Variants in TBL1XR1 observed in about 807,000 individuals in gnomAD.
The protein encoded by TBL1XR1 is F-box-like/WD repeat-containing protein TBL1XR1.
Under a neutral mutation model 66.9 loss-of-function variants are expected in TBL1XR1, and 5 were observed. The observed-to-expected ratio is 0.07, with a 90% CI of 0.04 to 0.16. TBL1XR1 has a LOEUF of 0.16. Among genes scored for constraint, TBL1XR1 ranks in the 10% least tolerant of loss-of-function variants. The pLI, the probability that TBL1XR1 is intolerant of heterozygous loss-of-function variation, is 1.00. For synonymous variants in TBL1XR1, 210 were observed against 206.0 expected (o/e 1.02, Z -0.17); for missense variants, 238 against 623.2 (o/e 0.38, Z 6.58).
At chr3:177,074,096 G>A (rs1452341454) in intron 2 of TBL1XR1, among the ~76,000 whole-genome samples, 1 of 152,182 alleles carries the variant, frequency 6.6e-6, no homozygotes, top group South Asian at 2.1e-4. Flanking sequence ...GGAATAAAGG[G>A]AGCAGGGCTA....
chr3:177,043,625 G>C (rs1457067850), intron 10 of TBL1XR1, among the ~76,000 whole-genome samples: 1 of 152,044 alleles, frequency 6.6e-6, no homozygotes, highest in Non-Finnish European at 1.5e-5. Flanking sequence ...GCAGTATATA[G>C]TTGAGTCTTG....
At chr3:177,192,281 CT>C (rs1736243708) in intron 1 of TBL1XR1, among the ~76,000 whole-genome samples, 1 of 151,564 alleles carries the variant, frequency 6.6e-6, no homozygotes, top group Non-Finnish European at 1.5e-5. Context: ...AGCTAGGAGG[CT>C]GAGGCAGGAG....
intron 1 of TBL1XR1, among the ~76,000 whole-genome samples, chr3:177,144,754 A>AAAAAAAAG (rs1004831086): frequency 1.3e-5 from 2 of 152,032 alleles, no homozygotes; most frequent in South Asian, 4.2e-4. Flanking sequence ...CTCCGTCCCA[A>AAAAAAAAG]AAAAAAAGAA....
intron 1 of TBL1XR1, among the ~76,000 whole-genome samples, chr3:177,118,785 G>A (rs1276734780): frequency 1.3e-5 from 2 of 151,926 alleles, no homozygotes; most frequent in African/African-American, 4.8e-5. Context: ...TATATGGCAA[G>A]TGTCGTATTT....
chr3:177,198,002 G>T (rs987490566), upstream of TBL1XR1, among the ~76,000 whole-genome samples: 1 of 151,594 alleles, frequency 6.6e-6, no homozygotes, highest in Non-Finnish European at 1.5e-5. Context: ...GCGTGTCCGG[G>T]GGGCGGCCCG....
At chr3:177,105,637 A>C (rs929405115) in intron 1 of TBL1XR1, among the ~76,000 whole-genome samples, 1 of 152,266 alleles carries the variant, frequency 6.6e-6, no homozygotes, top group Non-Finnish European at 1.5e-5. Flanking sequence ...TCTGCCAAGA[A>C]GACTGTCTTT....
At chr3:177,075,426 C>A (rs1394632865) in intron 2 of TBL1XR1, among the ~76,000 whole-genome samples, 4 of 152,210 alleles carry the variant, frequency 2.6e-5, no homozygotes, top group Admixed American at 2.0e-4. Flanking sequence ...CCAAATAAGT[C>A]ACATTCACAG....
chr3:177,081,638 T>A (rs988430696), intron 2 of TBL1XR1, among the ~76,000 whole-genome samples: 1 of 150,476 alleles, frequency 6.6e-6, no homozygotes, highest in Non-Finnish European at 1.5e-5. Flanking sequence ...CTCAGGAGGG[T>A]GGGGTGGGAG....
At chr3:177,136,783 G>GA (rs150318157) in intron 1 of TBL1XR1, among the ~76,000 whole-genome samples, 9,471 of 152,146 alleles carry the variant, frequency 0.062, 386 homozygotes, top group South Asian at 0.16. Flanking sequence ...CGGCGAAGAA[G>GA]AAAAAATGAA....
At chr3:177,137,480 G>C (rs1486142803) in intron 1 of TBL1XR1, among the ~76,000 whole-genome samples, 2 of 152,130 alleles carry the variant, frequency 1.3e-5, no homozygotes, top group Non-Finnish European at 2.9e-5. Context: ...AACAGAACTC[G>C]AGACTCTGTC....
intron 1 of TBL1XR1, among the ~76,000 whole-genome samples, chr3:177,125,386 A>G (rs73039663): frequency 0.036 from 5,440 of 152,246 alleles, 323 homozygotes; most frequent in African/African-American, 0.12. Flanking sequence ...AAAAACAGTG[A>G]TAAGGGTTGA....
At chr3:177,122,157 G>A (rs1055433480) in intron 1 of TBL1XR1, among the ~76,000 whole-genome samples, 2 of 151,990 alleles carry the variant, frequency 1.3e-5, no homozygotes, top group African/African-American at 4.8e-5. Context: ...TGCTGCTTCT[G>A]AGCATTACTG....
rs897694053 is a variant in TBL1XR1 at position 177,023,142 on chromosome 3, T to C, written c.*2356A>G. 3 of 152,472 alleles carry C rather than the reference T, an allele frequency of 2.0e-5. No homozygotes were observed. Among genetic ancestry groups the C allele is most frequent in the South Asian group, 2.1e-4 (1 of 4,832 alleles). The allele number at this position is 152,472 out of a possible 1,614,324, so 9.4% of individuals were successfully genotyped here. A position where few individuals can be genotyped will look rare whatever the true frequency, so the allele number is the denominator to read the frequency against. Reference sequence around the variant, plus strand: ...AGCTGGGAAAAAGTCAATAACTGTATGCAAATGAATAAACTGTCCATATCA... The same window carrying C: ...AGCTGGGAAAAAGTCAATAACTGTACGCAAATGAATAAACTGTCCATATCA... On this transcript the variant is annotated 3_prime_UTR_variant, in exon 16 of 16. Coordinates refer to ENST00000457928, the MANE Select transcript of TBL1XR1 (RefSeq NM_024665.7).
At position 177,114,313 on chromosome 3, in the gene TBL1XR1, G is replaced by GAT. The variant is rs200050120; in HGVS notation, c.-121-15774_-121-15773dup. Reference sequence around the variant, plus strand: ...ATATGGATACATATATATGATATATGATATATATATGATAGGGTCTTGCTT... The same window carrying GAT: ...ATATGGATACATATATATGATATATGATATATATATATGATAGGGTCTTGCTT... On this transcript the variant is annotated intron_variant, in intron 1 of 15. Coordinates refer to ENST00000457928, the MANE Select transcript of TBL1XR1 (RefSeq NM_024665.7). 3.6e-3 allele frequency among the ~76,000 whole-genome samples: 538 copies of GAT among 150,530 alleles called. 3 individuals are homozygous for GAT. Among genetic ancestry groups the GAT allele is most frequent in the African/African-American group, 0.012 (497 of 40,672 alleles).
chr3:177,167,511 T>A lies in TBL1XR1; in HGVS notation c.-122+29610A>T, dbSNP rs183452112. ...TGATAATGATGTCAACTTAGGTTCA[T>A]CAACTGTAACCAACGTACCACTCTG... On this transcript the variant is annotated intron_variant, in intron 1 of 15. Transcript: ENST00000457928. Among the ~76,000 whole-genome samples the A allele has an allele frequency of 6.0e-4, 92 of 152,328 alleles. 2 individuals carry two copies. Among genetic ancestry groups the A allele is most frequent in the Non-Finnish European group, 1.5e-4 (10 of 68,030 alleles).
At chr3:177,051,472 G>T in intron 5 of TBL1XR1, 32 bp downstream of exon 5, 1 of 1,550,252 alleles carries the variant, frequency 6.5e-7, no homozygotes, top group South Asian at 1.2e-5. Context: ...AATAAACCAT[G>T]TAATTAAAAA....
intron 1 of TBL1XR1, among the ~76,000 whole-genome samples, chr3:177,176,444 A>G (rs1734163200): frequency 6.7e-6 from 1 of 148,960 alleles, no homozygotes; most frequent in South Asian, 2.2e-4. Flanking sequence ...TGATCCACCC[A>G]CCTCGGCCTC....
intron 1 of TBL1XR1, among the ~76,000 whole-genome samples, chr3:177,121,535 T>C (rs1726974048): frequency 6.6e-6 from 1 of 152,162 alleles, no homozygotes; most frequent in Admixed American, 6.6e-5. Context: ...CAATGTGCAA[T>C]TTTTTTAGCC....
chr3:177,192,344 T>C (rs1253159269), intron 1 of TBL1XR1, among the ~76,000 whole-genome samples: 2 of 150,628 alleles, frequency 1.3e-5, no homozygotes, highest in Admixed American at 6.7e-5. Flanking sequence ...GATCGCGCCA[T>C]TGCACTCCAA....
Sources: gnomAD v4.1 joint callset for allele counts (sites outside exome capture counted in the v4.1 genomes callset) on GRCh38, gnomAD v4.1.1 for gene constraint, MANE v1.5 for transcripts, NCBI Gene and HGNC (gene_info 2026-07-23, HGNC 2026-07-21) for gene names.